The following SLC39A8 variants were observed in gnomAD, a reference collection of about 807,000 sequenced individuals.
SLC39A8 encodes metal cation symporter ZIP8.
A neutral mutation model predicts 40.4 loss-of-function variants in SLC39A8; 15 were observed. The observed-to-expected ratio is 0.37, with a 90% CI of 0.25 to 0.57. The LOEUF (loss-of-function observed/expected upper bound fraction) is 0.57. Among genes scored for constraint, SLC39A8 ranks in the 20% least tolerant of loss-of-function variants. The pLI is 0.75. For synonymous variants in SLC39A8, 223 were observed against 221.6 expected, an observed-to-expected ratio of 1.01 and a Z score of -0.06; for missense variants, 472 against 558.8, an observed-to-expected ratio of 0.84 and a Z score of 1.57.
chr4:102,254,091 C>T (rs1402978729), intron 11 of SLC39A8, among the ~76,000 whole-genome samples: 2 of 152,170 alleles, frequency 1.3e-5, no homozygotes, highest in South Asian at 2.1e-4. Flanking sequence ...ATGAATTCGA[C>T]GTTATTCATT....
chr4:102,272,478 T>C (rs1012676469), intron 6 of SLC39A8, among the ~76,000 whole-genome samples: 14 of 151,670 alleles, frequency 9.2e-5, no homozygotes, highest in Non-Finnish European at 1.5e-5. Context: ...AGGTATGGTG[T>C]CATGAGCTTA....
intron 2 of SLC39A8, among the ~76,000 whole-genome samples, chr4:102,331,356 A>C (rs1735454343): frequency 1.3e-5 from 2 of 152,222 alleles, no homozygotes; most frequent in African/African-American, 4.8e-5. Context: ...CTAAAATCAC[A>C]AGCATTCCTA....
rs112518160 is a variant in SLC39A8, at chr4:102,300,530, T to C, written c.840+3787A>G. Among the ~76,000 whole-genome samples, 207 of 152,174 alleles carry C rather than the reference T, an allele frequency of 1.4e-3. 1 individual carries two copies. The highest frequency in any genetic ancestry group is 4.7e-3 in the African/African-American group (195 of 41,568). ...TACATTTCAGCAAGATCAAAAATTA[T>C]GCTTTTATAATCTAGATTTTCACAT... is the stretch of plus-strand genomic sequence containing the variant. On this transcript the variant is annotated intron_variant, in intron 6 of 8. Coordinates refer to ENST00000356736, the MANE Select transcript of SLC39A8 (RefSeq NM_001135146.2).
intron 2 of SLC39A8, among the ~76,000 whole-genome samples, chr4:102,323,844 A>G (rs1735070242): frequency 6.6e-6 from 1 of 152,248 alleles, no homozygotes. Flanking sequence ...GAAGGATTCA[A>G]TGAAAGAATC....
intron 2 of SLC39A8, among the ~76,000 whole-genome samples, chr4:102,335,431 T>C (rs185345467): frequency 1.5e-3 from 225 of 152,298 alleles, no homozygotes; most frequent in African/African-American, 5.1e-3. Context: ...CTGTTTTCTA[T>C]CCAACAGGGT....
At position 102,342,508 on chromosome 4, in the gene SLC39A8, G is replaced by A. The variant is rs1735989116; in HGVS notation, c.219+1936C>T. On this transcript the variant is annotated intron_variant, in intron 2 of 8. Transcript: ENST00000356736. Reference sequence around the variant, plus strand: ...AGTAAAACTCAGTCTCAAAAAAAAAGCAAGAACATCAAAGAGATGTTTGTT... The same window carrying A: ...AGTAAAACTCAGTCTCAAAAAAAAAACAAGAACATCAAAGAGATGTTTGTT... 2.6e-5 allele frequency among the ~76,000 whole-genome samples: 4 copies of A among 152,204 alleles called. No individual in the cohort carries two copies. In the South Asian group the frequency reaches 8.3e-4, roughly 32 times the overall value.
chr4:102,253,506 C>G, intron 11 of SLC39A8: 1 of 651,760 alleles, frequency 1.5e-6, no homozygotes, highest in Non-Finnish European at 2.8e-6. Flanking sequence ...TTTCAGTCCT[C>G]TAAGTTGTTA....
intron 6 of SLC39A8, among the ~76,000 whole-genome samples, chr4:102,272,561 C>T (rs569643398): frequency 3.1e-4 from 47 of 152,170 alleles, no homozygotes; most frequent in African/African-American, 1.1e-3. Context: ...TCCAGCTGGG[C>T]GACAGAGTTA....
At chr4:102,297,193 A>T (rs981123988) in intron 6 of SLC39A8, among the ~76,000 whole-genome samples, 1 of 152,082 alleles carries the variant, frequency 6.6e-6, no homozygotes, top group Non-Finnish European at 1.5e-5. Flanking sequence ...ATGTACGGAG[A>T]TGATGAGGAA....
At chr4:102,288,054 C>T (rs1733259084) in intron 6 of SLC39A8, among the ~76,000 whole-genome samples, 1 of 152,142 alleles carries the variant, frequency 6.6e-6, no homozygotes, top group Admixed American at 6.6e-5. Context: ...CCTCTTTTTC[C>T]TGCACTTCAC....
intron 6 of SLC39A8, among the ~76,000 whole-genome samples, chr4:102,291,559 C>T (rs964594044): frequency 5.3e-5 from 8 of 152,032 alleles, no homozygotes; most frequent in African/African-American, 1.7e-4. Flanking sequence ...AAAGACACAC[C>T]TTCTCAAAGA....
intron 2 of SLC39A8, among the ~76,000 whole-genome samples, chr4:102,320,395 T>TATATATATATGAGA (rs1369568749): frequency 0.035 from 2,238 of 64,812 alleles, 347 homozygotes; most frequent in African/African-American, 0.13. Context: ...TATATATGAG[T>TATATATATATGAGA]ATATATATAT....
At chr4:102,338,011 C>A (rs1255766464) in intron 2 of SLC39A8, among the ~76,000 whole-genome samples, 2 of 152,046 alleles carry the variant, frequency 1.3e-5, no homozygotes. Flanking sequence ...TATAACTTTT[C>A]CATGAGGCAT....
intron 4 of SLC39A8, 133 bp from the exon 5 acceptor site, chr4:102,305,244 T>C: frequency 2.1e-6 from 2 of 964,250 alleles, no homozygotes; most frequent in Non-Finnish European, 3.0e-6. Flanking sequence ...GAAACTTAGC[T>C]GCCAAAAATC....
At chr4:102,327,548 C>A (rs940876296) in intron 2 of SLC39A8, among the ~76,000 whole-genome samples, 2 of 152,204 alleles carry the variant, frequency 1.3e-5, no homozygotes, top group African/African-American at 4.8e-5. Flanking sequence ...CTATACCCAT[C>A]CCTTCTCCAG....
At chr4:102,298,621 G>C (rs536530983) in intron 6 of SLC39A8, among the ~76,000 whole-genome samples, 1 of 152,052 alleles carries the variant, frequency 6.6e-6, no homozygotes, top group Non-Finnish European at 1.5e-5. Context: ...GTGCAGACCA[G>C]ATATACATAT....
chr4:102,275,559 A>G (rs1460221493), intron 6 of SLC39A8, among the ~76,000 whole-genome samples: 1 of 152,146 alleles, frequency 6.6e-6, no homozygotes, highest in African/African-American at 2.4e-5. Context: ...CCCACTTTCA[A>G]TATTAGAGAA....
At chr4:102,333,151 A>G (rs1316076524) in intron 2 of SLC39A8, among the ~76,000 whole-genome samples, 1 of 152,154 alleles carries the variant, frequency 6.6e-6, no homozygotes, top group Admixed American at 6.5e-5. Context: ...GTATCCCAGA[A>G]CTTGAAGTCT....
intron 2 of SLC39A8, among the ~76,000 whole-genome samples, chr4:102,335,148 T>C (rs890425892): frequency 3.9e-5 from 6 of 152,182 alleles, no homozygotes; most frequent in Non-Finnish European, 7.4e-5. Flanking sequence ...TGGGGAACTC[T>C]GCTCCTGAAG....
Sources: gnomAD v4.1 joint callset for allele counts (sites outside exome capture counted in the v4.1 genomes callset) on GRCh38, gnomAD v4.1.1 for gene constraint, MANE v1.5 for transcripts, NCBI Gene and HGNC (gene_info 2026-07-23, HGNC 2026-07-21) for gene names.